Variants in EFCAB6 observed in about 807,000 individuals in gnomAD.
EFCAB6 encodes EF-hand calcium-binding domain-containing protein 6.
EFCAB6 carries 156 observed loss-of-function variants against 169.8 expected under a neutral mutation model. That is an observed-to-expected ratio of 0.92 (90% CI 0.81 to 1.05). The LOEUF is 1.05. Among genes scored for constraint, EFCAB6 ranks in the 50% least tolerant of loss-of-function variants. The pLI, the probability that EFCAB6 is intolerant of heterozygous loss-of-function variation, is 0.00. For synonymous variants in EFCAB6, 698 were observed against 676.4 expected, an observed-to-expected ratio of 1.03 and a Z score of -0.50; for missense variants, 1,800 against 1,829.1, an observed-to-expected ratio of 0.98 and a Z score of 0.29.
At chr22:43,632,261 G>T in intron 18 of EFCAB6, 23 bp from the exon 19 acceptor site, 1 of 1,604,844 alleles carries the variant, frequency 6.2e-7, no homozygotes, top group South Asian at 1.1e-5. Context: ...CAAAGATCGG[G>T]GTTTCCATTA....
chr22:43,534,143 T>C (rs1426949010), intron 30 of EFCAB6, among the ~76,000 whole-genome samples: 1 of 152,200 alleles, frequency 6.6e-6, no homozygotes, highest in Admixed American at 6.5e-5. Context: ...TCACCAGTTG[T>C]CAAGGGAGGG....
intron 24 of EFCAB6, among the ~76,000 whole-genome samples, chr22:43,585,976 G>A (rs551680224): frequency 3.3e-5 from 5 of 152,244 alleles, no homozygotes; most frequent in African/African-American, 1.2e-4. Context: ...ATAAAACTGA[G>A]AGACTTTATT....
chr22:43,671,957 G>A lies in EFCAB6; in HGVS notation c.1640+16C>T. ...GAAAAACACGACATGAATTAATTTT[G>A]TTACAAAAAACTTACTTTATGAAAT... is the stretch of plus-strand genomic sequence containing the variant. On this transcript the variant is annotated intron_variant, in intron 15 of 31. Transcript: ENST00000262726. The A allele has an allele frequency of 6.2e-7, 1 of 1,609,934 alleles. No individual in the cohort carries two copies. Among genetic ancestry groups the A allele is most frequent in the Non-Finnish European group, 8.5e-7 (1 of 1,178,636 alleles).
At position 43,677,432 on chromosome 22, in the gene EFCAB6, G is replaced by A. The variant is rs545623480; in HGVS notation, c.1419+564C>T. On this transcript the variant is annotated intron_variant, in intron 13 of 31. Coordinates refer to ENST00000262726, the MANE Select transcript of EFCAB6 (RefSeq NM_022785.4). ...GGAGGCCGAGGCAAGTGGATCACGAGGTCAGGAGATCAAGACCAGCCTGGC... is the reference window on the plus strand; with the variant it reads ...GGAGGCCGAGGCAAGTGGATCACGAAGTCAGGAGATCAAGACCAGCCTGGC... Among the ~76,000 whole-genome samples the A allele has an allele frequency of 5.9e-5, 9 of 152,282 alleles. No individual in the cohort carries two copies. In the South Asian group the frequency reaches 1.9e-3, roughly 32 times the overall value.
At chr22:43,688,995 T>C (rs1234033719) in intron 10 of EFCAB6, among the ~76,000 whole-genome samples, 3 of 152,152 alleles carry the variant, frequency 2.0e-5, no homozygotes, top group Admixed American at 2.0e-4. Context: ...GAGTGAATTC[T>C]GGGAGAAAAT....
chr22:43,690,295 C>G (rs1417711254), intron 10 of EFCAB6, among the ~76,000 whole-genome samples: 2 of 141,614 alleles, frequency 1.4e-5, no homozygotes, highest in Non-Finnish European at 3.0e-5. Context: ...GTCAGGAGAT[C>G]GAGACCATCC....
At chr22:43,630,108 G>A (rs2054824041) in intron 19 of EFCAB6, among the ~76,000 whole-genome samples, 1 of 152,160 alleles carries the variant, frequency 6.6e-6, no homozygotes, top group African/African-American at 2.4e-5. Context: ...AGACCAGCCT[G>A]GGCAACGTAG....
intron 6 of EFCAB6, among the ~76,000 whole-genome samples, chr22:43,748,382 C>T (rs1479322918): frequency 6.6e-6 from 1 of 152,192 alleles, no homozygotes; most frequent in Non-Finnish European, 1.5e-5. Context: ...CAGGGCTTGT[C>T]TCCTTGCGGT....
At chr22:43,562,203 C>G (rs935651922) in intron 26 of EFCAB6, among the ~76,000 whole-genome samples, 1 of 152,130 alleles carries the variant, frequency 6.6e-6, no homozygotes, top group African/African-American at 2.4e-5. Context: ...AAACAATTGC[C>G]CTTCTAGATG....
At position 43,626,743 on chromosome 22, in the gene EFCAB6, C is replaced by T. The variant is rs748038200; in HGVS notation, c.2233-64G>A. On this transcript the variant is annotated intron_variant, in intron 19 of 31. Transcript: ENST00000262726. Reference sequence around the variant, plus strand: ...AGCCCCGGACGGCCACACATGCACACCCCCACGTGTAGAGCCTCATCTCCA... The same window carrying T: ...AGCCCCGGACGGCCACACATGCACATCCCCACGTGTAGAGCCTCATCTCCA... 117 of 1,490,362 alleles carry T rather than the reference C, an allele frequency of 7.9e-5. 3 individuals carry two copies. The highest frequency in any genetic ancestry group is 3.9e-4 in the African/African-American group (28 of 72,416). 92.3% of individuals were successfully genotyped at this position (1,490,362 alleles called of 1,614,324 possible).
Position 43,616,089 on chromosome 22 carries a change from G to A in EFCAB6, c.2466-167C>T, listed in dbSNP as rs138937823. Among the ~76,000 whole-genome samples, 3 of 152,152 alleles carry A rather than the reference G, an allele frequency of 2.0e-5. No individual in the cohort carries two copies. The South Asian group carries it at 6.2e-4, about 32-fold the overall frequency. On this transcript the variant is annotated intron_variant, in intron 20 of 31. Coordinates refer to ENST00000262726, the MANE Select transcript of EFCAB6 (RefSeq NM_022785.4). ...AAAATACAGTCTTATTTCTCCAGCT[G>A]CATGTCAGGGAAGTCTTCTTAAATT...
intron 10 of EFCAB6, among the ~76,000 whole-genome samples, chr22:43,708,609 T>C (rs926345166): frequency 2.6e-5 from 4 of 152,066 alleles, no homozygotes; most frequent in Non-Finnish European, 5.9e-5. Flanking sequence ...TGCTATTTAA[T>C]AAGAAATACC....
At chr22:43,563,024 C>T (rs1271912800) in intron 26 of EFCAB6, among the ~76,000 whole-genome samples, 1 of 152,152 alleles carries the variant, frequency 6.6e-6, no homozygotes, top group East Asian at 1.9e-4. Context: ...GCTGGGATTC[C>T]CAGCCCAGGT....
chr22:43,531,847 C>T (rs903533697), intron 30 of EFCAB6, among the ~76,000 whole-genome samples: 1 of 152,204 alleles, frequency 6.6e-6, no homozygotes. Context: ...CCGGCCAGAG[C>T]CCCCACCTCT....
At chr22:43,750,463 C>T (rs1429459307) in intron 6 of EFCAB6, among the ~76,000 whole-genome samples, 2 of 152,132 alleles carry the variant, frequency 1.3e-5, no homozygotes, top group Admixed American at 6.5e-5. Context: ...AACAGCTCTA[C>T]GATATGCTAA....
At position 43,657,126 on chromosome 22, in the gene EFCAB6, C is replaced by CAA. The variant is rs35058468; in HGVS notation, c.1983+9976_1983+9977dup. Among the ~76,000 whole-genome samples the CAA allele has an allele frequency of 3.2e-3, 480 of 151,234 alleles. 3 individuals are homozygous for CAA. Among genetic ancestry groups the CAA allele is most frequent in the Middle Eastern group, 0.024 (7 of 292 alleles). On this transcript the variant is annotated intron_variant, in intron 17 of 31. Coordinates refer to ENST00000262726, the MANE Select transcript of EFCAB6 (RefSeq NM_022785.4). Reference sequence around the variant, plus strand: ...GCAACTTGGGGAAACCCTGTTTCTACAAAAAAAACCCCACAAAAGTTAGCC... The same window carrying CAA: ...GCAACTTGGGGAAACCCTGTTTCTACAAAAAAAAAACCCCACAAAAGTTAGCC...
At chr22:43,718,887 C>T (rs1016958469) in intron 8 of EFCAB6, among the ~76,000 whole-genome samples, 1 of 152,200 alleles carries the variant, frequency 6.6e-6, no homozygotes, top group Non-Finnish European at 1.5e-5. Flanking sequence ...GACATTTGAG[C>T]TGCAAGGGCC....
chr22:43,577,028 C>A (rs918357196), intron 25 of EFCAB6, among the ~76,000 whole-genome samples: 1 of 152,182 alleles, frequency 6.6e-6, no homozygotes, highest in African/African-American at 2.4e-5. Flanking sequence ...CTGTCCTTCA[C>A]AACCAGGCTT....
intron 22 of EFCAB6, among the ~76,000 whole-genome samples, chr22:43,601,957 C>T (rs2052553564): frequency 6.6e-6 from 1 of 152,266 alleles, no homozygotes; most frequent in South Asian, 2.1e-4. Flanking sequence ...TCGCCCCATT[C>T]TCCACATGGA....
Sources: gnomAD v4.1 joint callset for allele counts (sites outside exome capture counted in the v4.1 genomes callset) on GRCh38, gnomAD v4.1.1 for gene constraint, MANE v1.5 for transcripts, NCBI Gene and HGNC (gene_info 2026-07-23, HGNC 2026-07-21) for gene names.